BABAM1: variants seen among roughly 807,000 people sequenced by gnomAD.
The protein encoded by BABAM1 is BRISC and BRCA1-A complex member 1.
Under a neutral mutation model 34.4 loss-of-function variants are expected in BABAM1, and 14 were observed. The observed-to-expected ratio is 0.41, with a 90% confidence interval of 0.27 to 0.64. The LOEUF (loss-of-function observed/expected upper bound fraction) is 0.64. BABAM1 is among the 30% of genes least tolerant of loss of function. BABAM1 has a pLI of 0.34. For synonymous variants in BABAM1, 169 were observed against 165.8 expected (o/e 1.02, Z -0.15); for missense variants, 393 against 434.0 (o/e 0.91, Z 0.84).
chr19:17,268,555 G>T (rs865931335), intron 1 of BABAM1: 5 of 340,810 alleles, frequency 1.5e-5, no homozygotes, highest in Non-Finnish European at 5.4e-6. Context: ...TCAGCCTCCC[G>T]AGTAGCTGGG....
In BABAM1 at chr19:17,276,623, A is replaced by T; in HGVS notation, c.698A>T (p.Lys233Met). 3 of 1,602,744 alleles carry T rather than the reference A, an allele frequency of 1.9e-6. No individual in the cohort carries two copies. The highest frequency in any genetic ancestry group is 2.6e-6 in the Non-Finnish European group (3 of 1,174,810). Residue 233 changes from lysine to methionine, a missense_variant and splice_region_variant, in exon 7 of 9, where the codon AAG becomes ATG. Physicochemically the swap from Lys to Met is moderately conservative, Grantham distance 95 (BLOSUM62 -1). Transcript: ENST00000598188. ...QPQFSLTEPM[K>M]KMFQCPYFFF... ...CAGTTCTCCTTGACGGAGCCCATGA[A>T]GGTGGGTGAGGCCTGGGAGAGGGAG...
chr19:17,271,676 C>T, intron 3 of BABAM1, 21 bp downstream of exon 3: 1 of 1,612,242 alleles, frequency 6.2e-7, no homozygotes. Flanking sequence ...CATTTTAGGG[C>T]TTGAACATGC....
rs768485471 is a variant in BABAM1, at chr19:17,268,752, CA to C, written c.-13-40del. 4.6e-6 allele frequency: 7 copies of C among 1,516,466 alleles called. No homozygotes were observed. The Admixed American group carries it at 1.1e-4, about 23-fold the overall frequency. The allele number at this position is 1,516,466 out of a possible 1,614,324, so 93.9% of individuals were successfully genotyped here. On this transcript the variant is annotated intron_variant, in intron 1 of 8. Transcript: ENST00000598188. Reference sequence around the variant, plus strand: ...CCGTAACCAAATGTTTTTAAAACTCCAAGGGGAGGATTCTGGCTTCCCCTGT... The same window carrying C: ...CCGTAACCAAATGTTTTTAAAACTCCAGGGGAGGATTCTGGCTTCCCCTGT...
At chr19:17,272,428 C>G (rs1396969276) in intron 3 of BABAM1, among the ~76,000 whole-genome samples, 1 of 148,054 alleles carries the variant, frequency 6.8e-6, no homozygotes, top group South Asian at 2.3e-4. Flanking sequence ...TTTTTTGAGA[C>G]GGAGTCTCGC....
At position 17,273,892 on chromosome 19, in the gene BABAM1, C is replaced by T; in HGVS notation, c.345-12C>T. The stretch of plus-strand genomic sequence containing the variant: ...GGGAACCTTAATTCCCCTGTACTCT[C>T]TGCCTCCCCAGCTCCAAAACCAACG... On this transcript the variant is annotated splice_polypyrimidine_tract_variant and intron_variant, in intron 3 of 8. Coordinates refer to ENST00000598188, the MANE Select transcript of BABAM1 (RefSeq NM_014173.4). The T allele has an allele frequency of 6.3e-7, 1 of 1,597,338 alleles. No individual in the cohort carries two copies. The highest frequency in any genetic ancestry group is 8.5e-7 in the Non-Finnish European group (1 of 1,172,170).
Position 17,279,036 on chromosome 19 carries a change from G to A in BABAM1, c.978G>A (p.Glu326=). The A allele has an allele frequency of 2.5e-6, 4 of 1,611,206 alleles. No homozygotes were observed. The highest frequency in any genetic ancestry group is 3.4e-6 in the Non-Finnish European group (4 of 1,178,882). The change falls in exon 9 of 9, where the codon GAG becomes GAA. Residue 326 remains glutamate, a synonymous_variant. Transcript: ENST00000598188. ...AGGAGGATGAAGCCATTGAGGTTGA[G>A]GCCACTGTCTGAACCATCCCTGTAC... ...LEEEDEAIEV[E]ATV
chr19:17,275,899 C>T (rs2073902629), intron 6 of BABAM1, 74 bp downstream of exon 6: 7 of 1,527,890 alleles, frequency 4.6e-6, no homozygotes, highest in Non-Finnish European at 6.3e-6. Flanking sequence ...CTCCAAACGG[C>T]ACAGAAGTAA....
chr19:17,274,330 C>G (rs1295578232), intron 5 of BABAM1, 145 bp downstream of exon 5: 1 of 1,014,092 alleles, frequency 9.9e-7, no homozygotes, highest in East Asian at 2.6e-5. Context: ...CCCCTCTGAG[C>G]CTCAGTTTCC....
chr19:17,274,558 A>T, intron 5 of BABAM1: 1 of 190,632 alleles, frequency 5.2e-6, no homozygotes, highest in Non-Finnish European at 1.0e-5. Context: ...ACAGAGTGAG[A>T]CTCCGTCTTT....
At chr19:17,278,384 C>G (rs1055364744) in intron 8 of BABAM1, among the ~76,000 whole-genome samples, 3 of 149,956 alleles carry the variant, frequency 2.0e-5, no homozygotes, top group Admixed American at 2.0e-4. Context: ...TCTCGGCTCA[C>G]TGCCAGCTCC....
At chr19:17,272,550 G>A (rs2073853989) in intron 3 of BABAM1, among the ~76,000 whole-genome samples, 1 of 151,760 alleles carries the variant, frequency 6.6e-6, no homozygotes, top group South Asian at 2.1e-4. Flanking sequence ...GACTACAGGT[G>A]CCTGCCACCA....
At position 17,268,919 on chromosome 19, in the gene BABAM1, C is replaced by A. The variant is rs2073803665; in HGVS notation, c.113C>A (p.Ala38Glu). The A allele has an allele frequency of 6.3e-7, 1 of 1,579,866 alleles. No homozygotes were observed. Among genetic ancestry groups the A allele is most frequent in the Admixed American group, 1.8e-5 (1 of 54,134 alleles). ...AATCCTGAAGGGGCTGAGGACCGGG[C>A]AGTAGGGGCACAGGCCAGCGTGGGC... ...RSNPEGAEDR[A>E]VGAQASVGSR... The change falls in exon 2 of 9, where the codon GCA becomes GAA. Residue 38 changes from alanine to glutamate, a missense_variant. Ala to Glu is a moderately radical substitution (Grantham distance 107, BLOSUM62 -1). Transcript: ENST00000598188.
chr19:17,276,338 G>C (rs1323578281), intron 6 of BABAM1, 157 bp from the exon 7 acceptor site: 1 of 1,166,748 alleles, frequency 8.6e-7, no homozygotes, highest in East Asian at 2.6e-5. Flanking sequence ...TCAGGGCAGA[G>C]GGAACCGCTT....
chr19:17,270,031 T>G (rs1381363200), intron 2 of BABAM1, among the ~76,000 whole-genome samples: 2 of 151,424 alleles, frequency 1.3e-5, no homozygotes, highest in African/African-American at 2.4e-5. Context: ...CCCGGGTTCA[T>G]GCCATTCTCC....
intron 6 of BABAM1, 76 bp from the exon 7 acceptor site, chr19:17,276,419 G>T (rs201403115): frequency 1.5e-4 from 232 of 1,547,506 alleles, no homozygotes; most frequent in East Asian, 9.0e-4. Context: ...GTGAGCATCT[G>T]GGGTCTCTCT....
chr19:17,269,727 A>G lies in BABAM1; in HGVS notation c.285+636A>G, dbSNP rs1014405809. 7.2e-5 allele frequency among the ~76,000 whole-genome samples: 10 copies of G among 138,062 alleles called. 1 individual carries two copies. The highest frequency in any genetic ancestry group is 6.6e-4 in the Admixed American group (9 of 13,708). The allele number at this position is 138,062 out of a possible 152,430, so 90.6% of individuals were successfully genotyped here. ...GCTGCATCACTCTAGTCTTTGCCCAATTTTTTTTTTTTGTTTTTTTGAGAT... is the reference window on the plus strand; with the variant it reads ...GCTGCATCACTCTAGTCTTTGCCCAGTTTTTTTTTTTTGTTTTTTTGAGAT... On this transcript the variant is annotated intron_variant, in intron 2 of 8. Coordinates refer to ENST00000598188, the MANE Select transcript of BABAM1 (RefSeq NM_014173.4).
rs1404321996 is a variant in BABAM1, at chr19:17,276,485, G to A, written c.570-10G>A. ...GCTGCTCTGACTGCTCCCTCCTCCC[G>A]GGTATGCAGCCAGCAGAAAACTGAG... On this transcript the variant is annotated splice_polypyrimidine_tract_variant and intron_variant, in intron 6 of 8. Coordinates refer to ENST00000598188, the MANE Select transcript of BABAM1 (RefSeq NM_014173.4). 3.8e-6 allele frequency: 6 copies of A among 1,587,912 alleles called. No individual in the cohort carries two copies. Among genetic ancestry groups the A allele is most frequent in the African/African-American group, 2.7e-5 (2 of 74,114 alleles).
At chr19:17,268,317 TGA>T (rs981462049) in intron 1 of BABAM1, among the ~76,000 whole-genome samples, 1 of 151,724 alleles carries the variant, frequency 6.6e-6, no homozygotes, top group African/African-American at 2.4e-5. Flanking sequence ...GCTGCTCGGC[TGA>T]GAGGTGTAAA....
rs990621945 is a variant in BABAM1 at position 17,278,955 on chromosome 19, G to A, written c.897G>A (p.Leu299=). ...LELHNCMAKL[L]AHPLQRPCQS... ...TGCACAACTGCATGGCGAAACTGTT[G>A]GCCCACCCCCTGCAGCGGCCTTGCC... Residue 299 remains leucine, a synonymous_variant, in exon 9 of 9, where the codon TTG becomes TTA. Transcript: ENST00000598188. 6 of 1,613,104 alleles carry A rather than the reference G, an allele frequency of 3.7e-6. No individual in the cohort carries two copies. The highest frequency in any genetic ancestry group is 4.2e-6 in the Non-Finnish European group (5 of 1,179,652).
Sources: allele counts gnomAD v4.1 joint callset (sites outside exome capture counted in the v4.1 genomes callset), GRCh38; gene constraint gnomAD v4.1.1; transcripts MANE v1.5; gene names NCBI Gene and HGNC (gene_info 2026-07-23, HGNC 2026-07-21).